The following TCF12 variants were observed in gnomAD, a reference collection of about 807,000 sequenced individuals.
TCF12 encodes transcription factor 12, also known as DNA-binding protein HTF4.
In TCF12, 45 loss-of-function variants were observed where a neutral mutation model predicts 86.0. That is an observed-to-expected ratio of 0.52 (90% CI 0.41 to 0.67). TCF12 has a LOEUF of 0.67. TCF12 is among the 30% of genes least tolerant of loss of function. The pLI is 0.00. For synonymous variants in TCF12, 330 were observed against 299.6 expected (o/e 1.10, Z -1.05); for missense variants, 881 against 859.9 (o/e 1.02, Z -0.31).
At chr15:57,190,764 A>G (rs2056939339) in intron 6 of TCF12, among the ~76,000 whole-genome samples, 1 of 152,150 alleles carries the variant, frequency 6.6e-6, no homozygotes, top group African/African-American at 2.4e-5. Flanking sequence ...ACTGTAGCAT[A>G]CCTCAGAGCT....
At chr15:56,940,702 C>G (rs1399848334) in intron 3 of TCF12, among the ~76,000 whole-genome samples, 1 of 129,804 alleles carries the variant, frequency 7.7e-6, no homozygotes, top group African/African-American at 3.1e-5. Context: ...CTCCCCTTTC[C>G]CCTCCTCCCC....
chr15:56,919,717 C>T (rs2059688354), intron 1 of TCF12, 175 bp from the exon 2 acceptor site: 2 of 467,736 alleles, frequency 4.3e-6, no homozygotes, highest in African/African-American at 2.1e-5. Context: ...GGACCCGGCG[C>T]GGGCACTGAG....
chr15:57,262,658 T>C lies in TCF12; in HGVS notation c.1582+450T>C, dbSNP rs1026047101. 4.6e-5 allele frequency among the ~76,000 whole-genome samples: 7 copies of C among 152,294 alleles called. No homozygotes were observed. The East Asian group carries it at 7.7e-4, about 17-fold the overall frequency. On this transcript the variant is annotated intron_variant, in intron 17 of 20. Coordinates refer to ENST00000333725, the MANE Select transcript of TCF12 (RefSeq NM_207037.2). The stretch of plus-strand genomic sequence containing the variant: ...ACTTGATCACTGTTCCAATAGAGCT[T>C]ACAAGTAAGTGTGAAGATAGAGCAC...
intron 5 of TCF12, among the ~76,000 whole-genome samples, chr15:57,113,889 G>A (rs766620420): frequency 4.6e-5 from 7 of 152,040 alleles, no homozygotes; most frequent in Admixed American, 1.3e-4. Context: ...CCAGGAGGTA[G>A]AGGCTGGAGT....
chr15:56,985,969 A>C (rs925846276), intron 3 of TCF12, among the ~76,000 whole-genome samples: 1 of 152,138 alleles, frequency 6.6e-6, no homozygotes, highest in Non-Finnish European at 1.5e-5. Context: ...AGTGGACAGA[A>C]AGGGAAGAGG....
chr15:56,983,806 C>G lies in TCF12; in HGVS notation c.148+62708C>G, dbSNP rs555999036. ...AGTTGAGCCCAGGATTCAAGATCAG[C>G]CTGGGAAGCAAAATGAGACTCCGTT... On this transcript the variant is annotated intron_variant, in intron 3 of 20. Transcript: ENST00000333725. 3.3e-5 allele frequency among the ~76,000 whole-genome samples: 5 copies of G among 151,538 alleles called. 1 individual carries two copies. The South Asian group carries it at 1.0e-3, about 32-fold the overall frequency.
intron 3 of TCF12, among the ~76,000 whole-genome samples, chr15:56,950,794 T>A (rs1357365014): frequency 7.1e-6 from 1 of 140,770 alleles, no homozygotes; most frequent in East Asian, 2.3e-4. Context: ...TTTGCTCTTA[T>A]TGCCCAGATT....
chr15:56,949,013 A>G (rs116105297), intron 3 of TCF12, among the ~76,000 whole-genome samples: 1,764 of 152,276 alleles, frequency 0.012, 32 homozygotes, highest in African/African-American at 0.04. Flanking sequence ...ATGAGGGAAA[A>G]TATCCAATTT....
chr15:57,188,503 A>C (rs1272033669), intron 6 of TCF12, among the ~76,000 whole-genome samples: 3 of 152,220 alleles, frequency 2.0e-5, no homozygotes, highest in Admixed American at 6.5e-5. Flanking sequence ...TCAAGATCCC[A>C]AGTAGCCACA....
At position 57,102,459 on chromosome 15, in the gene TCF12, G is replaced by A. The variant is rs2733308; in HGVS notation, c.325+10568G>A. ...CTAAAAATACCAAAATTAGCTGGGCGTCGTGACGCACACCTGTAATTCCAG... is the reference window on the plus strand; with the variant it reads ...CTAAAAATACCAAAATTAGCTGGGCATCGTGACGCACACCTGTAATTCCAG... On this transcript the variant is annotated intron_variant, in intron 5 of 20. Transcript: ENST00000333725. Among the ~76,000 whole-genome samples the A allele has an allele frequency of 8.3e-3, 1,265 of 152,202 alleles. 27 individuals are homozygous for A. Among genetic ancestry groups the A allele is most frequent in the African/African-American group, 0.029 (1,197 of 41,530 alleles).
chr15:57,204,427 G>A (rs1184187041), intron 8 of TCF12, among the ~76,000 whole-genome samples: 2 of 151,950 alleles, frequency 1.3e-5, no homozygotes, highest in Non-Finnish European at 1.5e-5. Context: ...CTGCACTCCA[G>A]CCTGGGTGAC....
intron 3 of TCF12, among the ~76,000 whole-genome samples, chr15:56,946,942 C>T (rs1184542268): frequency 5.3e-5 from 8 of 151,760 alleles, no homozygotes; most frequent in Admixed American, 3.3e-4. Flanking sequence ...GGATTACAGG[C>T]GTATGCCACC....
intron 4 of TCF12, among the ~76,000 whole-genome samples, chr15:57,068,642 G>A (rs578175083): frequency 3.9e-5 from 6 of 151,970 alleles, no homozygotes; most frequent in Non-Finnish European, 5.9e-5. Flanking sequence ...AATCAAATTC[G>A]GGAACAATCA....
intron 3 of TCF12, among the ~76,000 whole-genome samples, chr15:56,948,562 A>C (rs4774902): frequency 0.43 from 65,425 of 152,030 alleles, 15,494 homozygotes; most frequent in Non-Finnish European, 0.54. Flanking sequence ...TTTAAACTGG[A>C]GTGAATACCA....
chr15:56,937,524 A>G (rs2060522280), intron 3 of TCF12, among the ~76,000 whole-genome samples: 1 of 151,784 alleles, frequency 6.6e-6, no homozygotes, highest in South Asian at 2.1e-4. Context: ...TGACTTCTTT[A>G]CTGATTTGGG....
chr15:57,131,189 A>C (rs1252658385), intron 5 of TCF12, among the ~76,000 whole-genome samples: 1 of 152,162 alleles, frequency 6.6e-6, no homozygotes, highest in Non-Finnish European at 1.5e-5. Context: ...GTGGTCGCAC[A>C]AGGTAAACCT....
At chr15:57,174,124 A>G (rs2055736902) in intron 6 of TCF12, among the ~76,000 whole-genome samples, 1 of 152,218 alleles carries the variant, frequency 6.6e-6, no homozygotes, top group South Asian at 2.1e-4. Context: ...AAAAAATAAT[A>G]CCAATTTTAT....
At chr15:56,947,432 C>T (rs549297532) in intron 3 of TCF12, among the ~76,000 whole-genome samples, 12 of 152,166 alleles carry the variant, frequency 7.9e-5, no homozygotes, top group African/African-American at 2.9e-4. Flanking sequence ...CCTTTTCCTC[C>T]CAGAACTCTA....
chr15:57,198,319 C>T (rs529361003), intron 8 of TCF12, among the ~76,000 whole-genome samples: 1 of 152,166 alleles, frequency 6.6e-6, no homozygotes, highest in Non-Finnish European at 1.5e-5. Flanking sequence ...GTCAGATGTT[C>T]ATTGTGAAGC....
Sources: gnomAD v4.1 joint callset for allele counts (sites outside exome capture counted in the v4.1 genomes callset) on GRCh38, gnomAD v4.1.1 for gene constraint, MANE v1.5 for transcripts, NCBI Gene and HGNC (gene_info 2026-07-23, HGNC 2026-07-21) for gene names.